FLNC: variants seen among roughly 807,000 people sequenced by gnomAD.
The protein encoded by FLNC is filamin C.
FLNC carries 91 observed loss-of-function variants against 254.3 expected under a neutral mutation model. The ratio of observed to expected loss-of-function variants is 0.36; its 90% CI spans 0.30 to 0.43. The LOEUF is 0.43. Ranked by LOEUF, FLNC falls within the 20% of genes least tolerant of loss-of-function variation. The pLI, the probability that FLNC is intolerant of heterozygous loss-of-function variation, is 1.00. For synonymous variants in FLNC, 1,430 were observed against 1,577.2 expected (o/e 0.91, Z 2.21); for missense variants, 2,853 against 3,802.6 (o/e 0.75, Z 6.57).
At chr7:128,840,287 C>T (rs1204762952) in intron 9 of FLNC, 127 bp downstream of exon 9, 23 of 1,202,416 alleles carry the variant, frequency 1.9e-5, no homozygotes, top group South Asian at 2.6e-5. Flanking sequence ...CAGAGGCACC[C>T]CAGAATCTCA....
rs1808618454 is a variant in FLNC at position 128,847,697 on chromosome 7, G to A, written c.4289G>A (p.Gly1430Glu). 6.2e-7 allele frequency: 1 copy of A among 1,613,976 alleles called. No homozygotes were observed. The highest frequency in any genetic ancestry group is 8.5e-7 in the Non-Finnish European group (1 of 1,179,930). The change falls in exon 25 of 48, where the codon GGG (glycine) becomes GAG (glutamate). Residue 1430 changes from glycine to glutamate, a missense_variant and splice_region_variant. Physicochemically the swap from Gly to Glu is moderately conservative, Grantham distance 98. Coordinates refer to ENST00000325888, the MANE Select transcript of FLNC (RefSeq NM_001458.5). Reference protein sequence around the residue: ...NITFGGRPIPGSPFRVPVKDV... With the variant: ...NITFGGRPIPESPFRVPVKDV... Reference sequence around the variant, plus strand: ...GGGTCTAATGTCCTTCTCCTCACAGGGAGCCCGTTCCGCGTGCCAGTGAAG... The same window carrying A: ...GGGTCTAATGTCCTTCTCCTCACAGAGAGCCCGTTCCGCGTGCCAGTGAAG...
In FLNC at chr7:128,840,084, G is replaced by C; in HGVS notation, c.1473G>C (p.Val491=). Residue 491 remains valine, a synonymous_variant, in exon 9 of 48, where the codon GTG becomes GTC. Coordinates refer to ENST00000325888, the MANE Select transcript of FLNC (RefSeq NM_001458.5). ...GRGLQPKGVR[V]KEVADFKVFT... is the part of the protein sequence containing the mutation. ...GCCTGCAGCCCAAGGGTGTTCGCGT[G>C]AAAGAGGTGGCTGACTTCAAGGTGT... 6.2e-7 allele frequency: 1 copy of C among 1,614,174 alleles called. No homozygotes were observed. Among genetic ancestry groups the C allele is most frequent in the Non-Finnish European group, 8.5e-7 (1 of 1,180,036 alleles).
At chr7:128,849,604 T>A (rs747598628) in intron 30 of FLNC, 26 bp downstream of exon 30, 1 of 1,610,414 alleles carries the variant, frequency 6.2e-7, no homozygotes, top group Non-Finnish European at 8.5e-7. Flanking sequence ...ACAGCAAGAC[T>A]AGATGGCTGG....
At chr7:128,852,482 C>T (rs1808858956) in intron 35 of FLNC, 109 bp from the exon 36 acceptor site, 2 of 1,291,014 alleles carry the variant, frequency 1.5e-6, no homozygotes, top group Non-Finnish European at 1.1e-6. Context: ...GGGAGTGGCC[C>T]CCCGTGTCTG....
At chr7:128,854,356 A>G in intron 40 of FLNC, 57 bp from the exon 41 acceptor site, 1 of 1,596,590 alleles carries the variant, frequency 6.3e-7, no homozygotes, top group Non-Finnish European at 8.5e-7. Context: ...TGGGGGAGGG[A>G]AGGGCCAGGG....
At chr7:128,831,720 C>A (rs558822165) in intron 1 of FLNC, among the ~76,000 whole-genome samples, 4 of 150,576 alleles carry the variant, frequency 2.7e-5, no homozygotes, top group African/African-American at 9.8e-5. Flanking sequence ...CTGCAGCTAA[C>A]GGTCTGGGCT....
At chr7:128,846,954 A>G in intron 24 of FLNC, 49 bp downstream of exon 24, 1 of 1,604,906 alleles carries the variant, frequency 6.2e-7, no homozygotes, top group Non-Finnish European at 8.5e-7. Flanking sequence ...GGGAGGGTGC[A>G]GGATGCTCGC....
intron 17 of FLNC, 42 bp downstream of exon 17, chr7:128,843,361 G>T (rs1175990360): frequency 6.2e-7 from 1 of 1,612,924 alleles, no homozygotes; most frequent in East Asian, 2.2e-5. Flanking sequence ...CGAGGTTGGG[G>T]TTAGGTGGCT....
Position 128,846,609 on chromosome 7 carries a change from T to C in FLNC, c.4128-136T>C, listed in dbSNP as rs956981964. Reference sequence around the variant, plus strand: ...AGCAGACCCCCTCCAGGACCCCAGATTGGCCCCTGTAGCTCGTTTCTCCTC... The same window carrying C: ...AGCAGACCCCCTCCAGGACCCCAGACTGGCCCCTGTAGCTCGTTTCTCCTC... On this transcript the variant is annotated intron_variant, in intron 23 of 47. Transcript: ENST00000325888. 2.1e-5 allele frequency: 28 copies of C among 1,347,476 alleles called. 1 individual carries two copies. The highest frequency in any genetic ancestry group is 4.1e-6 in the Non-Finnish European group (4 of 965,290). The allele number at this position is 1,347,476 out of a possible 1,614,324, so 83.5% of individuals were successfully genotyped here.
At chr7:128,833,816 G>A (rs962374300) in intron 1 of FLNC, among the ~76,000 whole-genome samples, 8 of 152,104 alleles carry the variant, frequency 5.3e-5, no homozygotes, top group Non-Finnish European at 7.4e-5. Context: ...GAGTGAGTGT[G>A]TCATGGAATC....
rs1209100742 is a variant in FLNC at position 128,856,861 on chromosome 7, C to T, written c.7501C>T (p.Gln2501Ter). Reference protein sequence around the residue: ...PFKIRVGEQSQAGDPGLVSAY... With the variant: ...PFKIRVGEQS ...CAAGATCCGCGTTGGGGAGCAGAGC[C>T]AGGCTGGGGACCCAGGCTTGGTGTC... Residue 2501 changes from glutamine (Q) to a stop codon, truncating the protein, a stop_gained, in exon 45 of 48, where the codon CAG becomes TAG. Coordinates refer to ENST00000325888, the MANE Select transcript of FLNC (RefSeq NM_001458.5). LOFTEE classifies it high-confidence loss of function. The surrounding 1 kb of genome is among the most constrained non-coding windows in gnomAD (Gnocchi z 5.9). 2 of 1,614,118 alleles carry T rather than the reference C, an allele frequency of 1.2e-6. No individual in the cohort carries two copies. Among genetic ancestry groups the T allele is most frequent in the Non-Finnish European group, 1.7e-6 (2 of 1,180,042 alleles).
Position 128,858,910 on chromosome 7 carries a change from G to A in FLNC, c.*387G>A, listed in dbSNP as rs1166206222. On this transcript the variant is annotated 3_prime_UTR_variant, in exon 48 of 48. Coordinates refer to ENST00000325888, the MANE Select transcript of FLNC (RefSeq NM_001458.5). The surrounding 1 kb of genome is among the most constrained non-coding windows in gnomAD (Gnocchi z 6.7). Reference sequence around the variant, plus strand: ...TGTGAGGTCACCCTCAAACTGCACCGCCGGCCAGATACCCTCCTGACCCCG... The same window carrying A: ...TGTGAGGTCACCCTCAAACTGCACCACCGGCCAGATACCCTCCTGACCCCG... 5 of 275,250 alleles carry A rather than the reference G, an allele frequency of 1.8e-5. No homozygotes were observed. The highest frequency in any genetic ancestry group is 2.2e-5 in the African/African-American group (1 of 46,120). 17.1% of individuals were successfully genotyped at this position (275,250 alleles called of 1,614,324 possible). A position where few individuals can be genotyped will look rare whatever the true frequency, so the allele number is the denominator to read the frequency against.
Position 128,840,818 on chromosome 7 carries a change from C to A in FLNC, c.1677-16C>A, listed in dbSNP as rs769843813. The A allele has an allele frequency of 6.2e-6, 10 of 1,613,644 alleles. No individual in the cohort carries two copies. In the South Asian group the frequency reaches 7.7e-5, roughly 12 times the overall value. On this transcript the variant is annotated splice_polypyrimidine_tract_variant and intron_variant, in intron 10 of 47. Coordinates refer to ENST00000325888, the MANE Select transcript of FLNC (RefSeq NM_001458.5). ...GGGCACTTCCTGGCATGGACACCAG[C>A]TCCCTCTCTGCCCAGCCCCTTTGAG...
Position 128,857,288 on chromosome 7 carries a change from G to A in FLNC, c.7732G>A (p.Gly2578Ser), listed in dbSNP as rs566747845. ...PGNYLIAIKY[G>S]GPQHIVGSPF... ...CAACTACCTCATTGCCATCAAGTAC[G>A]GTGGCCCCCAGCACATCGTGGGCAG... The change falls in exon 46 of 48, where the codon GGT becomes AGT. Residue 2578 changes from glycine to serine, a missense_variant. By Grantham distance (56) the Gly-to-Ser change is moderately conservative. This residue lies in a region of FLNC where 197 missense variants were observed against 351.5 expected (regional missense o/e 0.56). Transcript: ENST00000325888. The surrounding 1 kb of genome is among the most constrained non-coding windows in gnomAD (Gnocchi z 4.5). 8.7e-6 allele frequency: 14 copies of A among 1,613,888 alleles called. No individual in the cohort carries two copies. Among genetic ancestry groups the A allele is most frequent in the South Asian group, 4.4e-5 (4 of 91,074 alleles).
In FLNC at chr7:128,848,005, C is replaced by G. The variant is rs1808634430; in HGVS notation, c.4517C>G (p.Thr1506Ser). Residue 1506 changes from threonine to serine, a missense_variant, in exon 26 of 48, where the codon ACC becomes AGC. Coordinates refer to ENST00000325888, the MANE Select transcript of FLNC (RefSeq NM_001458.5). Reference protein sequence around the residue: ...NGDGTHTVHYTPATDGPYTVA... With the variant: ...NGDGTHTVHYSPATDGPYTVA... ...GATGGCACCCACACTGTCCACTACACCCCAGCCACTGACGGGCCCTACACG... is the reference window on the plus strand; with the variant it reads ...GATGGCACCCACACTGTCCACTACAGCCCAGCCACTGACGGGCCCTACACG... 1 of 1,609,138 alleles carries G rather than the reference C, an allele frequency of 6.2e-7. No individual in the cohort carries two copies. The highest frequency in any genetic ancestry group is 8.5e-7 in the Non-Finnish European group (1 of 1,177,686).
rs776923967 is a variant in FLNC at position 128,851,522 on chromosome 7, C to T, written c.5736C>T (p.Gly1912=). The change falls in exon 35 of 48, where the codon GGC becomes GGT. Residue 1912 remains glycine (G), a synonymous_variant. Transcript: ENST00000325888. ...AEITCKDNKD[G]TCTVSYLPTA... is the part of the protein sequence containing the mutation. Reference sequence around the variant, plus strand: ...TCACCTGTAAGGACAACAAGGATGGCACCTGCACCGTGTCCTATCTGCCGA... The same window carrying T: ...TCACCTGTAAGGACAACAAGGATGGTACCTGCACCGTGTCCTATCTGCCGA... 1.2e-6 allele frequency: 2 copies of T among 1,613,982 alleles called. No individual in the cohort carries two copies. The highest frequency in any genetic ancestry group is 1.7e-5 in the Admixed American group (1 of 60,026).
chr7:128,844,585 G>A (rs1808474711), intron 20 of FLNC, 73 bp from the exon 21 acceptor site: 2 of 1,366,172 alleles, frequency 1.5e-6, no homozygotes, highest in Non-Finnish European at 2.1e-6. Context: ...GAGGTGATGA[G>A]TTGGGTGGGG....
intron 37 of FLNC, 48 bp downstream of exon 37, chr7:128,853,079 G>A (rs1434642211): frequency 6.4e-7 from 1 of 1,560,638 alleles, no homozygotes; most frequent in South Asian, 1.1e-5. Context: ...GCCTCCCACA[G>A]GCACTTGTCC....
chr7:128,854,815 C>A lies in FLNC; in HGVS notation c.7038C>A (p.Gly2346=), dbSNP rs763377116. ...GGACCCGGGAGGCTGGCGCTGGGGG[C>A]CTGTCCATTGCTGTGGAGGGTCCTA... ...SIWTREAGAG[G]LSIAVEGPSK... The change falls in exon 42 of 48, where the codon GGC becomes GGA. Residue 2346 remains glycine, a synonymous_variant. Transcript: ENST00000325888. The A allele has an allele frequency of 5.9e-5, 96 of 1,614,020 alleles. 3 individuals are homozygous for A. In the Middle Eastern group the frequency reaches 6.6e-4, roughly 11 times the overall value.
Sources: allele counts gnomAD v4.1 joint callset (sites outside exome capture counted in the v4.1 genomes callset), GRCh38; gene constraint gnomAD v4.1.1; regional missense constraint gnomAD v4.1.1; non-coding constraint Gnocchi (gnomAD v3.1); transcripts MANE v1.5; gene names NCBI Gene and HGNC (gene_info 2026-07-23, HGNC 2026-07-21).